The following ST18 variants were observed in gnomAD, a reference collection of about 807,000 sequenced individuals.
ST18 encodes ST18 C2H2C-type zinc finger transcription factor, also known as suppression of tumorigenicity 18 protein.
ST18 carries 50 observed loss-of-function variants against 110.0 expected under a neutral mutation model. The observed-to-expected ratio is 0.45, with a 90% CI of 0.36 to 0.58. The LOEUF is 0.58. ST18 is among the 20% of genes least tolerant of loss of function. ST18 has a pLI of 0.00. For synonymous variants in ST18, 461 were observed against 452.4 expected, an observed-to-expected ratio of 1.02 and a Z score of -0.24; for missense variants, 1,306 against 1,280.1, an observed-to-expected ratio of 1.02 and a Z score of -0.31.
chr8:52,285,222 A>G (rs540566850), intron 2 of ST18, among the ~76,000 whole-genome samples: 3 of 152,304 alleles, frequency 2.0e-5, no homozygotes, highest in African/African-American at 4.8e-5. Flanking sequence ...CATATTCATC[A>G]TTGCCATAAC....
chr8:52,171,985 C>T lies in ST18; in HGVS notation c.876G>A (p.Glu292=), dbSNP rs1408039825. The change falls in exon 10 of 26, where the codon GAG becomes GAA. Residue 292 remains glutamate, a synonymous_variant. Transcript: ENST00000689386. ...CCTTGGCCTTTTCCAGGTCACTACC[C>T]TCTTCCGTCATTACTGCCAGGCTCT... is the stretch of plus-strand genomic sequence containing the variant. ...DSESLAVMTE[E]GSDLEKAKGN... 1.9e-6 allele frequency: 3 copies of T among 1,614,104 alleles called. No individual in the cohort carries two copies. Among genetic ancestry groups the T allele is most frequent in the African/African-American group, 2.7e-5 (2 of 74,938 alleles).
At chr8:52,374,976 G>A (rs1590389092) in intron 2 of ST18, among the ~76,000 whole-genome samples, 1 of 152,220 alleles carries the variant, frequency 6.6e-6, no homozygotes, top group East Asian at 1.9e-4. Context: ...CTTACCCGAA[G>A]GCTGCAGAAG....
rs115789054 is a variant in ST18 at position 52,324,828 on chromosome 8, T to C, written c.-465+84500A>G. Among the ~76,000 whole-genome samples, 621 of 152,342 alleles carry C rather than the reference T, an allele frequency of 4.1e-3. 3 individuals are homozygous for C. Among genetic ancestry groups the C allele is most frequent in the African/African-American group, 0.014 (594 of 41,572 alleles). Reference sequence around the variant, plus strand: ...AGTTCTATTTTTATGGCAGTGACTATAGCAATTATATAGCTTGTTCTAAAT... The same window carrying C: ...AGTTCTATTTTTATGGCAGTGACTACAGCAATTATATAGCTTGTTCTAAAT... On this transcript the variant is annotated intron_variant, in intron 2 of 25. Transcript: ENST00000689386.
chr8:52,116,537 C>A (rs956431622), intron 24 of ST18, 119 bp from the exon 25 acceptor site: 1 of 963,180 alleles, frequency 1.0e-6, no homozygotes, highest in East Asian at 2.6e-5. Flanking sequence ...GAGATGCATG[C>A]GTGTAACTTC....
At chr8:52,291,491 CTT>C (rs1404368963) in intron 2 of ST18, among the ~76,000 whole-genome samples, 1 of 152,240 alleles carries the variant, frequency 6.6e-6, no homozygotes, top group Admixed American at 6.5e-5. Flanking sequence ...TTAAACGAAT[CTT>C]GCAGTCTTTC....
chr8:52,176,583 A>T (rs528787894), intron 9 of ST18, among the ~76,000 whole-genome samples: 2 of 152,140 alleles, frequency 1.3e-5, no homozygotes, highest in Non-Finnish European at 2.9e-5. Context: ...CAGCGGCTGG[A>T]GCTGGGATGA....
intron 2 of ST18, among the ~76,000 whole-genome samples, chr8:52,348,024 C>A (rs995764619): frequency 5.3e-5 from 8 of 152,052 alleles, no homozygotes; most frequent in African/African-American, 1.9e-4. Context: ...CTGAGGTGGG[C>A]AAACTATGGT....
At chr8:52,241,191 C>T (rs192989513) in intron 2 of ST18, among the ~76,000 whole-genome samples, 1 of 152,244 alleles carries the variant, frequency 6.6e-6, no homozygotes, top group African/African-American at 2.4e-5. Context: ...GGAATAAGCT[C>T]CTTGTGTACT....
rs1186392702 is a variant in ST18, at chr8:52,116,356, G to A, written c.2922C>T (p.Asn974=). 1.2e-6 allele frequency: 2 copies of A among 1,613,792 alleles called. No individual in the cohort carries two copies. Among genetic ancestry groups the A allele is most frequent in the Admixed American group, 3.3e-5 (2 of 59,960 alleles). The part of the protein sequence containing the change: ...IEEENKLIEQ[N]NESLLKELAG... ...CCAGCTCTTTCAGCAGACTTTCATT[G>A]TTCTGTTCTATGAGTTTGTTCTCCT... Residue 974 remains asparagine, a synonymous_variant, in exon 25 of 26, where the codon AAC becomes AAT. Transcript: ENST00000689386.
chr8:52,313,969 C>T lies in ST18; in HGVS notation c.-464-83892G>A, dbSNP rs527427364. Among the ~76,000 whole-genome samples, 280 of 152,254 alleles carry T rather than the reference C, an allele frequency of 1.8e-3. 2 individuals are homozygous for T. The highest frequency in any genetic ancestry group is 6.4e-3 in the African/African-American group (265 of 41,552). On this transcript the variant is annotated intron_variant, in intron 2 of 25. Transcript: ENST00000689386. ...CAATGAAAGAGCTTCCATTTGGCCA[C>T]GGGAGTGCGGTCAGCTGATGGCTCC...
At chr8:52,284,844 A>T (rs952540480) in intron 2 of ST18, among the ~76,000 whole-genome samples, 3 of 152,146 alleles carry the variant, frequency 2.0e-5, no homozygotes, top group Non-Finnish European at 4.4e-5. Context: ...TGTAGCTTTA[A>T]TTATGCATTG....
chr8:52,170,990 T>C (rs2064748044), intron 10 of ST18, among the ~76,000 whole-genome samples: 1 of 152,156 alleles, frequency 6.6e-6, no homozygotes, highest in South Asian at 2.1e-4. Context: ...ATTTTGTGGC[T>C]CTCGGGTTTC....
At chr8:52,297,173 C>T (rs1004804861) in intron 2 of ST18, among the ~76,000 whole-genome samples, 4 of 152,206 alleles carry the variant, frequency 2.6e-5, no homozygotes, top group African/African-American at 9.6e-5. Flanking sequence ...TGCAGTGCAG[C>T]GCAGGCTGTG....
intron 6 of ST18, among the ~76,000 whole-genome samples, chr8:52,216,860 T>C (rs1304525741): frequency 2.0e-5 from 3 of 152,180 alleles, no homozygotes; most frequent in East Asian, 3.9e-4. Flanking sequence ...AATGGATCAT[T>C]AGAAGTGGAA....
At chr8:52,350,652 C>T (rs951574464) in intron 2 of ST18, among the ~76,000 whole-genome samples, 7 of 152,020 alleles carry the variant, frequency 4.6e-5, no homozygotes, top group South Asian at 2.1e-4. Context: ...GGCAAGATCA[C>T]GGGACTTCTG....
At chr8:52,319,538 G>T (rs1266662621) in intron 2 of ST18, among the ~76,000 whole-genome samples, 1 of 151,894 alleles carries the variant, frequency 6.6e-6, no homozygotes, top group Non-Finnish European at 1.5e-5. Flanking sequence ...TTCCTTTATA[G>T]TTTTTAACAA....
At chr8:52,393,911 A>T (rs371118714) in intron 2 of ST18, 1 of 151,962 alleles carries the variant, frequency 6.6e-6, no homozygotes, top group African/African-American at 2.4e-5. Context: ...AAAGATTATG[A>T]AACCATTAAT....
At chr8:52,120,296 TA>T (rs2044181070) in intron 23 of ST18, among the ~76,000 whole-genome samples, 1 of 152,248 alleles carries the variant, frequency 6.6e-6, no homozygotes, top group Non-Finnish European at 1.5e-5. Context: ...TCTATTGTTA[TA>T]AATTTCTTTG....
At chr8:52,408,442 G>C (rs1845286951) in intron 2 of ST18, among the ~76,000 whole-genome samples, 1 of 152,228 alleles carries the variant, frequency 6.6e-6, no homozygotes, top group Non-Finnish European at 1.5e-5. Flanking sequence ...CCAGTTACAA[G>C]TGCTTTCCTT....
Sources: gnomAD v4.1 joint callset for allele counts (sites outside exome capture counted in the v4.1 genomes callset) on GRCh38, gnomAD v4.1.1 for gene constraint, MANE v1.5 for transcripts, NCBI Gene and HGNC (gene_info 2026-07-23, HGNC 2026-07-21) for gene names.